DNAH9: variants seen among roughly 807,000 people sequenced by gnomAD.
DNAH9 encodes DNAH9 variant protein.
In DNAH9, 345 loss-of-function variants were observed where a neutral mutation model predicts 471.6. The observed-to-expected ratio is 0.73, with a 90% CI of 0.67 to 0.80. DNAH9 has a LOEUF of 0.80. DNAH9 is among the 30% of genes least tolerant of loss of function. The pLI, the probability that DNAH9 is intolerant of heterozygous loss-of-function variation, is 0.00. For synonymous variants in DNAH9, 2,093 were observed against 2,123.6 expected (o/e 0.99, Z 0.40); for missense variants, 5,407 against 5,609.2 (o/e 0.96, Z 1.15).
chr17:11,944,347 C>G (rs1975042992), intron 67 of DNAH9, among the ~76,000 whole-genome samples: 1 of 152,068 alleles, frequency 6.6e-6, no homozygotes, highest in South Asian at 2.1e-4. Flanking sequence ...AAAGAAGAAA[C>G]AAGTATTGTG....
chr17:11,681,175 A>ATTT (rs1425773661), intron 19 of DNAH9, among the ~76,000 whole-genome samples: 7 of 152,230 alleles, frequency 4.6e-5, no homozygotes, highest in Admixed American at 3.3e-4. Context: ...GATAGGTGGT[A>ATTT]TAATTACTAG....
intron 26 of DNAH9, among the ~76,000 whole-genome samples, chr17:11,714,375 A>T (rs1050592401): frequency 2.6e-5 from 4 of 152,292 alleles, no homozygotes; most frequent in Non-Finnish European, 4.4e-5. Context: ...TCTATCGTCT[A>T]TCTAGTAATT....
chr17:11,619,535 GT>G lies in DNAH9; in HGVS notation c.1117-10del. On this transcript the variant is annotated splice_polypyrimidine_tract_variant and intron_variant, in intron 5 of 68. Coordinates refer to ENST00000262442, the MANE Select transcript of DNAH9 (RefSeq NM_001372.4). Reference sequence around the variant, plus strand: ...TGCACCTGCTCAGTGATACTAATCTGTTTGTATACCAGGCCTCTAATTATCT... The same window carrying G: ...TGCACCTGCTCAGTGATACTAATCTGTTGTATACCAGGCCTCTAATTATCT... 1 of 1,522,914 alleles carries G rather than the reference GT, an allele frequency of 6.6e-7. No individual in the cohort carries two copies. Among genetic ancestry groups the G allele is most frequent in the Non-Finnish European group, 9.1e-7 (1 of 1,097,114 alleles). The allele number at this position is 1,522,914 out of a possible 1,614,324, so 94.3% of individuals were successfully genotyped here.
Position 11,843,843 on chromosome 17 carries a change from G to GTA in DNAH9, c.9507+8946_9507+8947insAT. Among the ~76,000 whole-genome samples, 2 of 57,252 alleles carry GTA rather than the reference G, an allele frequency of 3.5e-5. 1 individual carries two copies. Among genetic ancestry groups the GTA allele is most frequent in the Non-Finnish European group, 6.2e-5 (2 of 32,026 alleles). 37.6% of individuals were successfully genotyped at this position (57,252 alleles called of 152,430 possible). On this transcript the variant is annotated intron_variant, in intron 49 of 68. Coordinates refer to ENST00000262442, the MANE Select transcript of DNAH9 (RefSeq NM_001372.4). ...TGTATATATACATGTATATGTGTTT[G>GTA]TGTGTGTGTGTGTGTGTGTGTATAT...
chr17:11,647,213 A>G lies in DNAH9; in HGVS notation c.2097+15A>G, dbSNP rs753555466. ...TTAACCCACAGGTCAGTTGGCTGACAGTAGCTCTCTTTTGGGTTCCTGAAG... is the reference window on the plus strand; with the variant it reads ...TTAACCCACAGGTCAGTTGGCTGACGGTAGCTCTCTTTTGGGTTCCTGAAG... On this transcript the variant is annotated intron_variant, in intron 12 of 68. Coordinates refer to ENST00000262442, the MANE Select transcript of DNAH9 (RefSeq NM_001372.4). 8 of 1,612,362 alleles carry G rather than the reference A, an allele frequency of 5.0e-6. No individual in the cohort carries two copies. The highest frequency in any genetic ancestry group is 2.2e-5 in the East Asian group (1 of 44,872).
chr17:11,786,319 C>A (rs1968866623), intron 41 of DNAH9, among the ~76,000 whole-genome samples: 1 of 151,906 alleles, frequency 6.6e-6, no homozygotes, highest in Admixed American at 6.6e-5. Flanking sequence ...ACTAGCTAGT[C>A]AATGACAGCG....
At chr17:11,758,243 C>T (rs1477398419) in intron 35 of DNAH9, among the ~76,000 whole-genome samples, 1 of 152,166 alleles carries the variant, frequency 6.6e-6, no homozygotes, top group Non-Finnish European at 1.5e-5. Context: ...AGCAACAAGC[C>T]CTGACCACTT....
intron 32 of DNAH9, among the ~76,000 whole-genome samples, chr17:11,750,345 G>T (rs1199103516): frequency 6.6e-6 from 1 of 151,838 alleles, no homozygotes; most frequent in Non-Finnish European, 1.5e-5. Flanking sequence ...TTATTTATTT[G>T]TTATCTGTTT....
intron 67 of DNAH9, among the ~76,000 whole-genome samples, chr17:11,945,628 T>C (rs1975089656): frequency 2.6e-5 from 4 of 151,548 alleles, no homozygotes; most frequent in Admixed American, 6.6e-5. Context: ...TAACCAATAT[T>C]GGAGGTGGCA....
At chr17:11,718,585 T>TA (rs1470905550) in intron 26 of DNAH9, among the ~76,000 whole-genome samples, 1 of 152,228 alleles carries the variant, frequency 6.6e-6, no homozygotes, top group African/African-American at 2.4e-5. Flanking sequence ...TTGTTACTGG[T>TA]AAAAAGAGTC....
intron 27 of DNAH9, 83 bp from the exon 28 acceptor site, chr17:11,727,735 A>AGGGGG: frequency 1.1e-6 from 1 of 886,548 alleles, no homozygotes; most frequent in Non-Finnish European, 1.9e-6. Flanking sequence ...AAGTATCTAT[A>AGGGGG]ATAAAGGGGA....
At position 11,948,224 on chromosome 17, in the gene DNAH9, C is replaced by CTTT. The variant is rs1211322234; in HGVS notation, c.12843+5760_12843+5762dup. Reference sequence around the variant, plus strand: ...TGCTGACTGGGGATCTAATCTGGCTCTTTTTTTTTTTTTTTTTTTTTTTGA... The same window carrying CTTT: ...TGCTGACTGGGGATCTAATCTGGCTCTTTTTTTTTTTTTTTTTTTTTTTTTTGA... On this transcript the variant is annotated intron_variant, in intron 67 of 68. Coordinates refer to ENST00000262442, the MANE Select transcript of DNAH9 (RefSeq NM_001372.4). Among the ~76,000 whole-genome samples, 556 of 86,746 alleles carry CTTT rather than the reference C, an allele frequency of 6.4e-3. 18 individuals are homozygous for CTTT. Among genetic ancestry groups the CTTT allele is most frequent in the African/African-American group, 0.019 (368 of 19,062 alleles). The allele number at this position is 86,746 out of a possible 152,430, so 56.9% of individuals were successfully genotyped here.
intron 49 of DNAH9, among the ~76,000 whole-genome samples, chr17:11,850,936 C>T (rs541872880): frequency 1.8e-4 from 27 of 152,242 alleles, no homozygotes; most frequent in Admixed American, 5.2e-4. Flanking sequence ...TCCCTGCTCT[C>T]ATGAAGAGGA....
chr17:11,893,656 G>T (rs967397081), intron 58 of DNAH9, among the ~76,000 whole-genome samples: 5 of 152,090 alleles, frequency 3.3e-5, no homozygotes, highest in African/African-American at 1.2e-4. Flanking sequence ...ATAAGTGGGA[G>T]TTGAACAATG....
intron 48 of DNAH9, among the ~76,000 whole-genome samples, chr17:11,826,359 G>GGT (rs574294369): frequency 7.8e-5 from 3 of 38,562 alleles, no homozygotes; most frequent in Non-Finnish European, 2.6e-4. Flanking sequence ...GCCGGAAGCT[G>GGT]GGGGGGTAAT....
intron 63 of DNAH9, among the ~76,000 whole-genome samples, chr17:11,931,339 G>T (rs1339067878): frequency 2.0e-5 from 3 of 152,288 alleles, no homozygotes; most frequent in East Asian, 3.9e-4. Context: ...GGTCATGCAG[G>T]TTATTTGAGA....
At chr17:11,791,197 T>G (rs1408208922) in intron 41 of DNAH9, among the ~76,000 whole-genome samples, 1 of 152,170 alleles carries the variant, frequency 6.6e-6, no homozygotes, top group African/African-American at 2.4e-5. Context: ...TTTAAAAAAT[T>G]TTAGGAGTGT....
chr17:11,639,437 G>C, intron 9 of DNAH9, among the ~76,000 whole-genome samples: 1 of 152,150 alleles, frequency 6.6e-6, no homozygotes, highest in East Asian at 1.9e-4. Context: ...GTTAAATCTT[G>C]ACAACCAAAT....
intron 26 of DNAH9, among the ~76,000 whole-genome samples, chr17:11,709,211 A>G (rs561525835): frequency 2.0e-4 from 31 of 152,352 alleles, no homozygotes; most frequent in South Asian, 6.2e-4. Flanking sequence ...TATGGCCTCT[A>G]CTGTGAAATG....
Sources: allele counts gnomAD v4.1 joint callset (sites outside exome capture counted in the v4.1 genomes callset), GRCh38; gene constraint gnomAD v4.1.1; transcripts MANE v1.5; gene names NCBI Gene and HGNC (gene_info 2026-07-23, HGNC 2026-07-21).